WDR33: variants seen among roughly 807,000 people sequenced by gnomAD.
WDR33 encodes pre-mRNA 3' end processing protein WDR33.
WDR33 carries 47 observed loss-of-function variants against 164.9 expected under a neutral mutation model. The observed-to-expected ratio is 0.29, with a 90% confidence interval of 0.23 to 0.36. The LOEUF (loss-of-function observed/expected upper bound fraction) is 0.36, where lower values mean the gene tolerates loss of function less well. Ranked by LOEUF, WDR33 falls within the 10% of genes least tolerant of loss-of-function variation. The probability of loss-of-function intolerance (pLI) is 1.00; values close to 1 mark genes in which losing one functional copy is unlikely to be tolerated. For missense variants in WDR33, 1,137 were observed against 1,754.1 expected, an observed-to-expected ratio of 0.65 and a Z score of 6.28; for synonymous variants, 505 against 589.0, an observed-to-expected ratio of 0.86 and a Z score of 2.06.
chr2:127,765,808 AAAGT>A (rs1490521836), intron 4 of WDR33, among the ~76,000 whole-genome samples: 1 of 151,966 alleles, frequency 6.6e-6, no homozygotes, highest in Non-Finnish European at 1.5e-5. Flanking sequence ...AAAAAAAAAA[AAAGT>A]AAGCTCTCCT....
chr2:127,796,005 A>G (rs577691153), intron 1 of WDR33, among the ~76,000 whole-genome samples: 2 of 152,048 alleles, frequency 1.3e-5, no homozygotes, highest in East Asian at 3.9e-4. Context: ...TAAACTTGGT[A>G]TACATAATAG....
intron 1 of WDR33, among the ~76,000 whole-genome samples, chr2:127,797,352 C>T (rs962362147): frequency 2.0e-5 from 3 of 151,942 alleles, no homozygotes; most frequent in African/African-American, 7.3e-5. Context: ...ATTAGCTGGG[C>T]GTGGTGGCGC....
chr2:127,747,304 T>C (rs763869291), intron 7 of WDR33, among the ~76,000 whole-genome samples: 16 of 152,168 alleles, frequency 1.1e-4, no homozygotes, highest in Non-Finnish European at 1.3e-4. Context: ...CAGTTTAACA[T>C]ACAGTGTTTA....
At chr2:127,715,835 GGGC>G (rs967887497) in intron 17 of WDR33, among the ~76,000 whole-genome samples, 1 of 152,218 alleles carries the variant, frequency 6.6e-6, no homozygotes, top group Non-Finnish European at 1.5e-5. Flanking sequence ...ACCAGTGATG[GGGC>G]GGCGGCGGCG....
intron 7 of WDR33, among the ~76,000 whole-genome samples, chr2:127,739,023 G>C (rs902408673): frequency 6.6e-6 from 1 of 152,092 alleles, no homozygotes; most frequent in Non-Finnish European, 1.5e-5. Flanking sequence ...TCAGAAAAAA[G>C]ATCTTACCAT....
rs749879461 is a variant in WDR33, at chr2:127,712,435, C to G, written c.3308+1148G>C. Among the ~76,000 whole-genome samples, 1 of 151,810 alleles carries G rather than the reference C, an allele frequency of 6.6e-6. No homozygotes were observed. The highest frequency in any genetic ancestry group is 1.5e-5 in the Non-Finnish European group (1 of 67,972). On this transcript the variant is annotated intron_variant, in intron 18 of 21. Transcript: ENST00000322313. The surrounding 1 kb of genome is among the most constrained non-coding windows in gnomAD (Gnocchi z 4.0). Reference sequence around the variant, plus strand: ...AAAAAAGAAATGGGATGAAAGGACACGGAAGGCTAAGGAGTAATCAGAGAC... The same window carrying G: ...AAAAAAGAAATGGGATGAAAGGACAGGGAAGGCTAAGGAGTAATCAGAGAC...
At chr2:127,747,891 A>G (rs577169374) in intron 7 of WDR33, among the ~76,000 whole-genome samples, 1 of 152,276 alleles carries the variant, frequency 6.6e-6, no homozygotes, top group Non-Finnish European at 1.5e-5. Context: ...GTTACTACAA[A>G]CTGTTCTGAC....
At chr2:127,798,682 T>A (rs1689129506) in intron 1 of WDR33, among the ~76,000 whole-genome samples, 1 of 151,988 alleles carries the variant, frequency 6.6e-6, no homozygotes, top group African/African-American at 2.4e-5. Context: ...GTTTGATATT[T>A]CCCTCCAAAC....
chr2:127,750,958 T>C (rs536454331), intron 7 of WDR33, among the ~76,000 whole-genome samples: 121 of 151,914 alleles, frequency 8.0e-4, no homozygotes, highest in African/African-American at 2.7e-3. Context: ...GTGAATACTC[T>C]TGATAAATTT....
chr2:127,715,088 C>CTTTTTTTTTTTTTTTTTTT (rs386391178), intron 17 of WDR33, among the ~76,000 whole-genome samples: 7 of 108,580 alleles, frequency 6.4e-5, no homozygotes, highest in Admixed American at 9.9e-5. Context: ...TTCTTTGTTT[C>CTTTTTTTTTTTTTTTTTTT]TTTTTTTTTT....
At chr2:127,737,940 C>A in intron 7 of WDR33, 1 of 1,585,028 alleles carries the variant, frequency 6.3e-7, no homozygotes, top group African/African-American at 1.4e-5. Flanking sequence ...TTGCCAGAAT[C>A]TTCTTGGGTA....
At position 127,718,127 on chromosome 2, in the gene WDR33, C is replaced by T. The variant is rs562258524; in HGVS notation, c.2761-864G>A. On this transcript the variant is annotated intron_variant, in intron 16 of 21. Transcript: ENST00000322313. This position sits in a 1 kb window ranked among gnomAD's most constrained non-coding sequence, Gnocchi z 4.4. Reference sequence around the variant, plus strand: ...GACATCATCAGATTCTCCATGACTACGACACTTTTAGGTTCTGGAAGACCT... The same window carrying T: ...GACATCATCAGATTCTCCATGACTATGACACTTTTAGGTTCTGGAAGACCT... Among the ~76,000 whole-genome samples the T allele has an allele frequency of 3.0e-4, 46 of 152,220 alleles. No individual in the cohort carries two copies. The highest frequency in any genetic ancestry group is 5.1e-4 in the Non-Finnish European group (35 of 68,020).
intron 1 of WDR33, among the ~76,000 whole-genome samples, chr2:127,807,643 T>C (rs1305722779): frequency 6.6e-6 from 1 of 151,988 alleles, no homozygotes; most frequent in East Asian, 1.9e-4. Context: ...AGGAATAGTG[T>C]GAAAGGAAGG....
At chr2:127,771,695 T>C (rs888719021) in intron 1 of WDR33, among the ~76,000 whole-genome samples, 37 of 151,912 alleles carry the variant, frequency 2.4e-4, no homozygotes, top group African/African-American at 8.7e-4. Context: ...GGAGAATCAC[T>C]TGAGTCCAGA....
intron 7 of WDR33, among the ~76,000 whole-genome samples, chr2:127,739,350 C>T (rs867481596): frequency 2.0e-5 from 3 of 152,222 alleles, no homozygotes; most frequent in Non-Finnish European, 2.9e-5. Flanking sequence ...ATTTCCCCCC[C>T]GTAAGAAGAG....
intron 7 of WDR33, chr2:127,737,109 G>A: frequency 1.0e-6 from 1 of 985,338 alleles, no homozygotes; most frequent in Non-Finnish European, 1.2e-6. Flanking sequence ...CTCCTCTGTG[G>A]ACTTTTTAAA....
At position 127,770,764 on chromosome 2, in the gene WDR33, T is replaced by C. The variant is rs751203527; in HGVS notation, c.204+14A>G. ...CCAAAGTTTGGTCATCTGAAGCACATAAATCAGGCTTACCTCCAAATACTT... is the reference window on the plus strand; with the variant it reads ...CCAAAGTTTGGTCATCTGAAGCACACAAATCAGGCTTACCTCCAAATACTT... On this transcript the variant is annotated intron_variant, in intron 2 of 21. Coordinates refer to ENST00000322313, the MANE Select transcript of WDR33 (RefSeq NM_018383.5). This position sits in a 1 kb window ranked among gnomAD's most constrained non-coding sequence, Gnocchi z 4.9. The C allele has an allele frequency of 1.3e-6, 2 of 1,585,150 alleles. No homozygotes were observed. The highest frequency in any genetic ancestry group is 1.7e-6 in the Non-Finnish European group (2 of 1,162,936).
rs954157975 is a variant in WDR33, at chr2:127,706,484, G to A, written c.3850C>T (p.His1284Tyr). Residue 1284 changes from histidine to tyrosine, a missense_variant, in exon 22 of 22, where the codon CAC becomes TAC. His to Tyr is a moderately conservative substitution (Grantham distance 83). Transcript: ENST00000322313. The surrounding 1 kb of genome is among the most constrained non-coding windows in gnomAD (Gnocchi z 5.1). The stretch of plus-strand genomic sequence containing the variant: ...TCATCTCTGTGGTATCCATCGTGGT[G>A]CTCTCCGTCTAAGGAGCTGGAACGC... ...SGRSSSLDGEHHDGYHRDEPF... is the reference protein window; with the variant it reads ...SGRSSSLDGEYHDGYHRDEPF... 10 of 1,613,276 alleles carry A rather than the reference G, an allele frequency of 6.2e-6. No homozygotes were observed. The highest frequency in any genetic ancestry group is 7.6e-6 in the Non-Finnish European group (9 of 1,179,706).
chr2:127,711,776 A>T (rs866621670), intron 18 of WDR33, among the ~76,000 whole-genome samples: 32,491 of 92,384 alleles, frequency 0.35, 6,986 homozygotes, highest in African/African-American at 0.53. Flanking sequence ...ATATATATAT[A>T]TATATTTTTT....
Sources: gnomAD v4.1 joint callset for allele counts (sites outside exome capture counted in the v4.1 genomes callset) on GRCh38, gnomAD v4.1.1 for gene constraint, Gnocchi (gnomAD v3.1) non-coding constraint, MANE v1.5 for transcripts, NCBI Gene and HGNC (gene_info 2026-07-23, HGNC 2026-07-21) for gene names.